Variants in RHOBTB1 observed in about 807,000 individuals in gnomAD.
RHOBTB1 encodes the protein Rho related BTB domain containing 1, also known as rho-related BTB domain-containing protein 1.
A neutral mutation model predicts 71.6 loss-of-function variants in RHOBTB1; 40 were observed. The observed-to-expected ratio is 0.56, with a 90% CI of 0.43 to 0.73. The LOEUF (loss-of-function observed/expected upper bound fraction) is 0.73. RHOBTB1 is among the 30% of genes least tolerant of loss of function. The pLI, the probability that RHOBTB1 is intolerant of heterozygous loss-of-function variation, is 0.00. For missense variants in RHOBTB1, 797 were observed against 894.0 expected, an observed-to-expected ratio of 0.89 and a Z score of 1.38; for synonymous variants, 319 against 334.9, an observed-to-expected ratio of 0.95 and a Z score of 0.52.
chr10:60,909,485 A>T (rs2133344770), intron 4 of RHOBTB1, among the ~76,000 whole-genome samples: 2 of 152,282 alleles, frequency 1.3e-5, no homozygotes, highest in Middle Eastern at 3.4e-3. Context: ...GTGGGGATAT[A>T]AAAAAGTCCT....
chr10:60,941,137 T>C (rs2084881524), intron 2 of RHOBTB1, among the ~76,000 whole-genome samples: 1 of 152,232 alleles, frequency 6.6e-6, no homozygotes, highest in Non-Finnish European at 1.5e-5. Context: ...GACAAGTCAC[T>C]TAACCTTCTT....
Position 60,877,894 on chromosome 10 carries a change from G to A in RHOBTB1, c.1726+14C>T. 2 of 1,611,784 alleles carry A rather than the reference G, an allele frequency of 1.2e-6. No individual in the cohort carries two copies. The highest frequency in any genetic ancestry group is 4.5e-5 in the East Asian group (2 of 44,866). ...TATGACAGACACTGCATGGCCCTGA[G>A]TCATCATCCTTACCTGCAAGTGCAA... On this transcript the variant is annotated intron_variant, in intron 8 of 10. Coordinates refer to ENST00000337910, the MANE Select transcript of RHOBTB1 (RefSeq NM_014836.5).
At chr10:60,930,201 CAAGT>C (rs2084158040) in intron 2 of RHOBTB1, among the ~76,000 whole-genome samples, 1 of 152,114 alleles carries the variant, frequency 6.6e-6, no homozygotes, top group Non-Finnish European at 1.5e-5. Flanking sequence ...CAACCTATGA[CAAGT>C]GAGGGAATGA....
chr10:60,944,998 T>C (rs2085163837), upstream of RHOBTB1, among the ~76,000 whole-genome samples: 2 of 152,152 alleles, frequency 1.3e-5, no homozygotes, highest in Non-Finnish European at 2.9e-5. Flanking sequence ...CCATGCCTCC[T>C]CACAGAAACT....
At chr10:60,879,903 T>G (rs999637251) in intron 7 of RHOBTB1, among the ~76,000 whole-genome samples, 4 of 152,104 alleles carry the variant, frequency 2.6e-5, no homozygotes, top group Non-Finnish European at 5.9e-5. Flanking sequence ...CAAAAATATT[T>G]GAAAAATAAA....
intron 1 of RHOBTB1, among the ~76,000 whole-genome samples, chr10:61,000,211 T>A (rs889957860): frequency 6.6e-6 from 1 of 152,162 alleles, no homozygotes; most frequent in Non-Finnish European, 1.5e-5. Context: ...ATGAAAACTT[T>A]AATGGGGAAA....
intron 4 of RHOBTB1, among the ~76,000 whole-genome samples, chr10:60,898,282 T>C (rs1365514651): frequency 6.6e-6 from 1 of 152,192 alleles, no homozygotes; most frequent in Non-Finnish European, 1.5e-5. Flanking sequence ...AAGCTTCTTT[T>C]TCCCTGCTGG....
intron 7 of RHOBTB1, among the ~76,000 whole-genome samples, chr10:60,880,450 C>T (rs1437634235): frequency 6.6e-6 from 1 of 152,206 alleles, no homozygotes; most frequent in Non-Finnish European, 1.5e-5. Context: ...GTAGACCCAT[C>T]CCTTAACGTA....
chr10:60,972,317 A>T (rs2086185051), intron 2 of RHOBTB1, among the ~76,000 whole-genome samples: 4 of 152,202 alleles, frequency 2.6e-5, no homozygotes, highest in African/African-American at 9.6e-5. Context: ...CTGGATAAAG[A>T]AAATGTGGCA....
intron 4 of RHOBTB1, among the ~76,000 whole-genome samples, chr10:60,900,779 G>T (rs2082378583): frequency 6.6e-6 from 1 of 152,174 alleles, no homozygotes. Flanking sequence ...AAAATATAAT[G>T]TGAGCCATTA....
intron 2 of RHOBTB1, among the ~76,000 whole-genome samples, chr10:60,960,172 T>A (rs1023108542): frequency 6.6e-6 from 1 of 152,176 alleles, no homozygotes; most frequent in Non-Finnish European, 1.5e-5. Flanking sequence ...TTAATCTTGG[T>A]AATGTACCAA....
At chr10:60,990,229 C>A (rs375856894) in intron 1 of RHOBTB1, among the ~76,000 whole-genome samples, 1 of 152,032 alleles carries the variant, frequency 6.6e-6, no homozygotes, top group South Asian at 2.1e-4. Context: ...GTGATCTGCC[C>A]GCCTCGGCCT....
chr10:60,892,668 G>A (rs2081978895), intron 5 of RHOBTB1, 142 bp downstream of exon 5: 2 of 653,348 alleles, frequency 3.1e-6, no homozygotes, highest in Non-Finnish European at 4.9e-6. Context: ...CACTCCTCAT[G>A]ATTTATGGGC....
intron 2 of RHOBTB1, among the ~76,000 whole-genome samples, chr10:60,972,528 C>T (rs1324844404): frequency 1.3e-5 from 2 of 151,886 alleles, no homozygotes; most frequent in East Asian, 1.9e-4. Context: ...CACACTGGGG[C>T]CTGTCGGGGC....
intron 4 of RHOBTB1, among the ~76,000 whole-genome samples, chr10:60,906,466 A>G (rs1161141435): frequency 6.6e-6 from 1 of 152,242 alleles, no homozygotes. Flanking sequence ...TAATTTTGTC[A>G]TCCATCATCA....
At chr10:60,877,683 C>T (rs998568317) in intron 8 of RHOBTB1, among the ~76,000 whole-genome samples, 7 of 152,210 alleles carry the variant, frequency 4.6e-5, no homozygotes, top group Non-Finnish European at 8.8e-5. Context: ...ACCTTCATAG[C>T]TGTATCACCT....
chr10:60,907,382 C>T (rs764971665), intron 4 of RHOBTB1, among the ~76,000 whole-genome samples: 2 of 152,144 alleles, frequency 1.3e-5, no homozygotes. Context: ...TAAGAAGAGG[C>T]GCTTTCCTTG....
chr10:60,877,953 C>A lies in RHOBTB1; in HGVS notation c.1681G>T (p.Ala561Ser). Residue 561 changes from alanine (A) to serine (S), a missense_variant, in exon 8 of 11, where the codon GCC becomes TCC. By Grantham distance (99) the Ala-to-Ser change is moderately conservative. Coordinates refer to ENST00000337910, the MANE Select transcript of RHOBTB1 (RefSeq NM_014836.5). ...GGCAGGCAAAATCTGTTTGCCAAGGCAATTAATTCCAGCGGGTCCAGATCC... is the reference window on the plus strand; with the variant it reads ...GGCAGGCAAAATCTGTTTGCCAAGGAAATTAATTCCAGCGGGTCCAGATCC... ...NLDLDPLELI[A>S]LANRFCLPHL... 1 of 1,613,986 alleles carries A rather than the reference C, an allele frequency of 6.2e-7. No homozygotes were observed. The highest frequency in any genetic ancestry group is 8.5e-7 in the Non-Finnish European group (1 of 1,179,934).
intron 4 of RHOBTB1, among the ~76,000 whole-genome samples, chr10:60,906,067 A>T (rs2082661422): frequency 6.6e-6 from 1 of 152,178 alleles, no homozygotes; most frequent in Non-Finnish European, 1.5e-5. Flanking sequence ...TCTCATAGGA[A>T]CCAACAACAT....
Sources: allele counts gnomAD v4.1 joint callset (sites outside exome capture counted in the v4.1 genomes callset), GRCh38; gene constraint gnomAD v4.1.1; transcripts MANE v1.5; gene names NCBI Gene and HGNC (gene_info 2026-07-23, HGNC 2026-07-21).